The following MRPL1 variants were observed in gnomAD, a reference collection of about 807,000 sequenced individuals.
MRPL1 encodes the protein mitochondrial ribosomal protein L1.
A neutral mutation model predicts 38.0 loss-of-function variants in MRPL1; 28 were observed. That is an observed-to-expected ratio of 0.74 (90% CI 0.55 to 1.01). The LOEUF is 1.01. Among genes scored for constraint, MRPL1 ranks in the 50% least tolerant of loss-of-function variants. MRPL1 has a pLI of 0.00. For missense variants in MRPL1, 358 were observed against 389.8 expected (o/e 0.92, Z 0.69); for synonymous variants, 123 against 126.7 (o/e 0.97, Z 0.20).
chr4:77,888,685 C>T (rs1735738989), intron 5 of MRPL1, among the ~76,000 whole-genome samples: 2 of 151,924 alleles, frequency 1.3e-5, no homozygotes, highest in South Asian at 4.2e-4. Context: ...AGTTCCTCCT[C>T]TAGATAAAAT....
chr4:77,938,496 A>G (rs1374055453), intron 7 of MRPL1, among the ~76,000 whole-genome samples: 1 of 152,150 alleles, frequency 6.6e-6, no homozygotes, highest in Non-Finnish European at 1.5e-5. Context: ...CAGTTGTGCA[A>G]CTGGAAGACC....
chr4:77,883,985 A>G (rs922924377), intron 3 of MRPL1, among the ~76,000 whole-genome samples: 3 of 152,242 alleles, frequency 2.0e-5, no homozygotes, highest in African/African-American at 7.2e-5. Flanking sequence ...TTCCAAATAT[A>G]AAATTTGTTG....
intron 7 of MRPL1, among the ~76,000 whole-genome samples, chr4:77,921,887 T>A (rs1191599398): frequency 6.6e-6 from 1 of 152,088 alleles, no homozygotes; most frequent in Non-Finnish European, 1.5e-5. Flanking sequence ...ATGTGTACAT[T>A]TTTCTTGGGT....
chr4:77,931,953 T>G (rs1736854906), intron 7 of MRPL1, among the ~76,000 whole-genome samples: 1 of 152,234 alleles, frequency 6.6e-6, no homozygotes, highest in Non-Finnish European at 1.5e-5. Context: ...CACAGACGTC[T>G]TATACACAGA....
intron 5 of MRPL1, among the ~76,000 whole-genome samples, chr4:77,890,180 AAG>A (rs1447495400): frequency 2.6e-5 from 4 of 152,182 alleles, no homozygotes; most frequent in Non-Finnish European, 4.4e-5. Context: ...ACGACAAAAA[AAG>A]AGAATTTTAG....
At position 77,883,086 on chromosome 4, in the gene MRPL1, G is replaced by C. The variant is rs377414562; in HGVS notation, c.144-156G>C. ...CAGACATTGGAAAAGTTCACTTCAT[G>C]TTTGTTGAATTAGAAAAACTGTAAA... On this transcript the variant is annotated intron_variant, in intron 2 of 8. Transcript: ENST00000315567. Among the ~76,000 whole-genome samples, 48 of 152,116 alleles carry C rather than the reference G, an allele frequency of 3.2e-4. No individual in the cohort carries two copies. The East Asian group carries it at 6.0e-3, about 19-fold the overall frequency.
rs139949039 is a variant in MRPL1, at chr4:77,916,325, A to G, written c.777+6953A>G. Among the ~76,000 whole-genome samples, 137 of 152,314 alleles carry G rather than the reference A, an allele frequency of 9.0e-4. 1 individual carries two copies. Among genetic ancestry groups the G allele is most frequent in the Middle Eastern group, 3.4e-3 (1 of 294 alleles). On this transcript the variant is annotated intron_variant, in intron 7 of 8. Coordinates refer to ENST00000315567, the MANE Select transcript of MRPL1 (RefSeq NM_020236.4). ...AAATTCAAATAATTCACAAAAGCAT[A>G]TTAAGAAACACTAGAACCCATTTCC...
At chr4:77,901,122 T>C (rs543491074) in intron 6 of MRPL1, among the ~76,000 whole-genome samples, 3 of 152,114 alleles carry the variant, frequency 2.0e-5, no homozygotes, top group African/African-American at 7.2e-5. Flanking sequence ...TATCACAAGG[T>C]GAAGGGGTCA....
At chr4:77,888,051 G>C (rs978708711) in intron 5 of MRPL1, among the ~76,000 whole-genome samples, 6 of 151,930 alleles carry the variant, frequency 3.9e-5, no homozygotes, top group Admixed American at 2.6e-4. Flanking sequence ...TTTTTTCTTG[G>C]AGTGAAGGTG....
chr4:77,922,103 TA>T (rs1189692335), intron 7 of MRPL1, among the ~76,000 whole-genome samples: 2 of 151,816 alleles, frequency 1.3e-5, no homozygotes, highest in African/African-American at 2.4e-5. Context: ...AGAAAATAAG[TA>T]AAAAAAAGAA....
At chr4:77,887,495 G>A (rs1414031004) in intron 5 of MRPL1, among the ~76,000 whole-genome samples, 7 of 152,022 alleles carry the variant, frequency 4.6e-5, no homozygotes, top group African/African-American at 1.7e-4. Context: ...CTGATTTTGT[G>A]TGTTTGTGTT....
intron 1 of MRPL1, among the ~76,000 whole-genome samples, chr4:77,864,177 C>T (rs1419617912): frequency 1.3e-5 from 2 of 152,076 alleles, no homozygotes; most frequent in East Asian, 1.9e-4. Flanking sequence ...TGACAGAAAT[C>T]GTTATGTTAC....
At chr4:77,876,551 A>G (rs1412568825) in intron 2 of MRPL1, among the ~76,000 whole-genome samples, 3 of 152,200 alleles carry the variant, frequency 2.0e-5, no homozygotes, top group African/African-American at 7.2e-5. Context: ...TTATAAGCAG[A>G]TGGTTTTTTT....
intron 7 of MRPL1, among the ~76,000 whole-genome samples, chr4:77,919,108 G>A (rs550162105): frequency 1.3e-5 from 2 of 152,246 alleles, no homozygotes; most frequent in South Asian, 2.1e-4. Flanking sequence ...AAGTTAAAAC[G>A]TGTCCAAATA....
chr4:77,865,484 C>T (rs146723124), intron 1 of MRPL1, among the ~76,000 whole-genome samples: 16 of 151,228 alleles, frequency 1.1e-4, no homozygotes, highest in East Asian at 3.9e-4. Flanking sequence ...TGCAGTGGCC[C>T]GGTCACGGCT....
chr4:77,898,034 C>T (rs1035418719), intron 6 of MRPL1, among the ~76,000 whole-genome samples: 2 of 152,144 alleles, frequency 1.3e-5, no homozygotes, highest in African/African-American at 4.8e-5. Context: ...CTTCCTCATA[C>T]ACACTAAGCA....
chr4:77,875,863 C>G (rs905475939), intron 2 of MRPL1, among the ~76,000 whole-genome samples: 2 of 152,080 alleles, frequency 1.3e-5, no homozygotes, highest in African/African-American at 4.8e-5. Context: ...GCTGGAGTAC[C>G]GCTTGTACCA....
intron 2 of MRPL1, among the ~76,000 whole-genome samples, chr4:77,882,339 A>C (rs1298467014): frequency 2.0e-5 from 3 of 152,190 alleles, no homozygotes; most frequent in Non-Finnish European, 2.9e-5. Flanking sequence ...ATATAATTAC[A>C]TATCACACAA....
intron 6 of MRPL1, among the ~76,000 whole-genome samples, chr4:77,907,446 T>G (rs1175551346): frequency 6.6e-6 from 1 of 151,970 alleles, no homozygotes. Context: ...GTTTCAGTTT[T>G]TAATTATTTT....
Sources: allele counts gnomAD v4.1 joint callset (sites outside exome capture counted in the v4.1 genomes callset), GRCh38; gene constraint gnomAD v4.1.1; transcripts MANE v1.5; gene names NCBI Gene and HGNC (gene_info 2026-07-23, HGNC 2026-07-21).